The following HNRNPM variants were observed in gnomAD, a reference collection of about 807,000 sequenced individuals.
HNRNPM encodes the protein heterogeneous nuclear ribonucleoprotein M, also known as CEA receptor.
In HNRNPM, 11 loss-of-function variants were observed where a neutral mutation model predicts 73.1. That is an observed-to-expected ratio of 0.15 (90% confidence interval 0.09 to 0.25). HNRNPM has a LOEUF of 0.25. HNRNPM is among the 10% of genes least tolerant of loss of function. HNRNPM has a pLI of 1.00. For missense variants in HNRNPM, 789 were observed against 1,067.9 expected, an observed-to-expected ratio of 0.74 and a Z score of 3.64; for synonymous variants, 407 against 355.2, an observed-to-expected ratio of 1.15 and a Z score of -1.64.
At chr19:8,458,622 C>G (rs893106067) in intron 2 of HNRNPM, among the ~76,000 whole-genome samples, 24 of 152,358 alleles carry the variant, frequency 1.6e-4, no homozygotes, top group Admixed American at 9.8e-4. Flanking sequence ...AAAGGAAGGT[C>G]AGGGATGTAG....
chr19:8,479,885 C>G (rs1970787850), intron 12 of HNRNPM, among the ~76,000 whole-genome samples: 2 of 146,538 alleles, frequency 1.4e-5, no homozygotes, highest in Admixed American at 1.4e-4. Flanking sequence ...AAGCTGTTCT[C>G]TGCCTCAGCC....
chr19:8,453,232 C>G (rs986292859), intron 1 of HNRNPM, among the ~76,000 whole-genome samples: 1 of 152,132 alleles, frequency 6.6e-6, no homozygotes, highest in African/African-American at 2.4e-5. Flanking sequence ...ACCTCCGCCC[C>G]CCGGGTTCAA....
chr19:8,465,912 AGGTTG>A (rs1406736931), intron 6 of HNRNPM, among the ~76,000 whole-genome samples: 2 of 152,172 alleles, frequency 1.3e-5, no homozygotes, highest in Admixed American at 6.5e-5. Context: ...AGAATAAAGT[AGGTTG>A]GGTGGGGTGG....
intron 9 of HNRNPM, among the ~76,000 whole-genome samples, chr19:8,471,030 C>T (rs186373796): frequency 6.6e-6 from 1 of 152,268 alleles, no homozygotes; most frequent in East Asian, 1.9e-4. Context: ...AGACAGTTCT[C>T]AGTCCATGGG....
rs143693987 is a variant in HNRNPM, at chr19:8,450,778, G to A, written c.114-4627G>A. The stretch of plus-strand genomic sequence containing the variant: ...TTGCTCTTGTTGCCCAGGCTGGAGT[G>A]CAGTGGCGCTATCTCACTTCACTGC... On this transcript the variant is annotated intron_variant, in intron 1 of 15. Transcript: ENST00000325495. 9.6e-3 allele frequency among the ~76,000 whole-genome samples: 1,439 copies of A among 150,324 alleles called. 8 individuals are homozygous for A. The highest frequency in any genetic ancestry group is 0.016 in the Non-Finnish European group (1,060 of 67,686).
chr19:8,472,100 G>A (rs1034432458), intron 10 of HNRNPM, among the ~76,000 whole-genome samples: 3 of 151,484 alleles, frequency 2.0e-5, no homozygotes, highest in African/African-American at 7.3e-5. Flanking sequence ...GAACCCGGGA[G>A]GCGGAGGTTG....
chr19:8,463,720 G>A (rs752812244), intron 5 of HNRNPM, 34 bp downstream of exon 5: 20 of 1,380,866 alleles, frequency 1.4e-5, no homozygotes, highest in Admixed American at 1.4e-4. Flanking sequence ...GATACTGTGT[G>A]TAATTGTTGA....
intron 9 of HNRNPM, among the ~76,000 whole-genome samples, chr19:8,470,513 A>G (rs1029331112): frequency 4.6e-5 from 7 of 151,622 alleles, no homozygotes; most frequent in Admixed American, 2.0e-4. Context: ...TTTTTAGTAG[A>G]GATGGGGTTT....
intron 12 of HNRNPM, among the ~76,000 whole-genome samples, chr19:8,477,023 A>G (rs1970557284): frequency 6.6e-6 from 1 of 152,190 alleles, no homozygotes; most frequent in African/African-American, 2.4e-5. Flanking sequence ...GTTAATTCAT[A>G]ATGTGCTGCT....
In HNRNPM at chr19:8,444,996, A is replaced by G; in HGVS notation, c.-3A>G. 1 of 1,411,192 alleles carries G rather than the reference A, an allele frequency of 7.1e-7. No homozygotes were observed. 87.4% of individuals were successfully genotyped at this position (1,411,192 alleles called of 1,614,324 possible). The stretch of plus-strand genomic sequence containing the variant: ...GCTCACACAAAGCCCAGACGCGGAG[A>G]AAATGGCGGCAGGGGTCGAAGCGGC... On this transcript the variant is annotated 5_prime_UTR_variant, in exon 1 of 16. Transcript: ENST00000325495.
At chr19:8,472,488 A>C (rs1845958119) in intron 10 of HNRNPM, among the ~76,000 whole-genome samples, 1 of 152,128 alleles carries the variant, frequency 6.6e-6, no homozygotes, top group African/African-American at 2.4e-5. Context: ...CACACACCCC[A>C]TGTCTGACAT....
Position 8,486,206 on chromosome 19 carries a change from G to A in HNRNPM, c.1778G>A (p.Gly593Asp). The A allele has an allele frequency of 6.3e-7, 1 of 1,578,746 alleles. No homozygotes were observed. Residue 593 changes from glycine to aspartate, a missense_variant, in exon 14 of 16, where the codon GGC becomes GAC. Physicochemically the swap from Gly to Asp is moderately conservative, Grantham distance 94 (BLOSUM62 -1). This residue lies in a region of HNRNPM where 604 missense variants were observed against 744.0 expected (regional missense o/e 0.81). Transcript: ENST00000325495. ...GGTGCCAACAGCCTCGAGCGCATGG[G>A]CCCTGCCATGGGCCCGGCCCTGGGC... ...RMGANSLERM[G>D]PAMGPALGAG...
intron 5 of HNRNPM, among the ~76,000 whole-genome samples, chr19:8,464,901 C>G (rs1173908430): frequency 6.6e-6 from 1 of 152,130 alleles, no homozygotes; most frequent in Non-Finnish European, 1.5e-5. Context: ...CTTGTGTGGT[C>G]TAGAACTGTT....
At chr19:8,447,835 G>T (rs928134544) in intron 1 of HNRNPM, among the ~76,000 whole-genome samples, 3 of 152,170 alleles carry the variant, frequency 2.0e-5, no homozygotes, top group Admixed American at 2.0e-4. Flanking sequence ...GACCATCCTG[G>T]CTAACACGGT....
intron 2 of HNRNPM, among the ~76,000 whole-genome samples, chr19:8,457,783 T>C (rs1244217926): frequency 6.6e-6 from 1 of 152,250 alleles, no homozygotes; most frequent in East Asian, 1.9e-4. Context: ...AAGTGGTTAG[T>C]TTAAATCTGA....
At chr19:8,480,247 GT>G (rs1432319744) in intron 12 of HNRNPM, among the ~76,000 whole-genome samples, 5 of 146,590 alleles carry the variant, frequency 3.4e-5, no homozygotes, top group African/African-American at 1.0e-4. Flanking sequence ...ATGGTGGCGG[GT>G]GCCTGTAATC....
chr19:8,477,608 C>T lies in HNRNPM; in HGVS notation c.1120+3364C>T, dbSNP rs960200147. ...TCGAGGCTGCAGTGAAGCATGATCA[C>T]GCCACTGCATTCCAGCTTGGGAGCT... On this transcript the variant is annotated intron_variant, in intron 12 of 15. Coordinates refer to ENST00000325495, the MANE Select transcript of HNRNPM (RefSeq NM_005968.5). 7.6e-5 allele frequency among the ~76,000 whole-genome samples: 11 copies of T among 145,562 alleles called. No homozygotes were observed. The Middle Eastern group carries it at 0.011, about 143-fold the overall frequency.
intron 8 of HNRNPM, among the ~76,000 whole-genome samples, chr19:8,468,047 A>G (rs1456314344): frequency 6.6e-6 from 1 of 152,138 alleles, no homozygotes; most frequent in African/African-American, 2.4e-5. Flanking sequence ...AAGAAGAAAA[A>G]AAAACATTTT....
chr19:8,465,179 C>T, intron 5 of HNRNPM, 145 bp from the exon 6 acceptor site: 2 of 656,034 alleles, frequency 3.0e-6, no homozygotes, highest in Non-Finnish European at 5.2e-6. Flanking sequence ...TAGTTGAGTT[C>T]ATTTGACTTT....
Sources: gnomAD v4.1 joint callset for allele counts (sites outside exome capture counted in the v4.1 genomes callset) on GRCh38, gnomAD v4.1.1 for gene constraint, gnomAD v4.1.1 regional missense constraint, MANE v1.5 for transcripts, NCBI Gene and HGNC (gene_info 2026-07-23, HGNC 2026-07-21) for gene names.